PKD1L1: variants seen among roughly 807,000 people sequenced by gnomAD.
PKD1L1 encodes polycystin 1 like 1, transient receptor potential channel interacting.
A neutral mutation model predicts 323.4 loss-of-function variants in PKD1L1; 236 were observed. The observed-to-expected ratio is 0.73, with a 90% CI of 0.66 to 0.81. The LOEUF is 0.81. PKD1L1 is among the 40% of genes least tolerant of loss of function. PKD1L1 has a pLI of 0.00. For synonymous variants in PKD1L1, 1,344 were observed against 1,335.0 expected (o/e 1.01, Z -0.15); for missense variants, 3,320 against 3,508.0 (o/e 0.95, Z 1.35).
At chr7:47,813,847 A>G in intron 48 of PKD1L1, 84 bp downstream of exon 48, 1 of 1,177,518 alleles carries the variant, frequency 8.5e-7, no homozygotes, top group East Asian at 2.4e-5. Flanking sequence ...AGTTCAAATG[A>G]TCTGCCAGGG....
rs566175101 is a variant in PKD1L1, at chr7:47,940,455, G to C, written c.161-138C>G. 4 of 759,946 alleles carry C rather than the reference G, an allele frequency of 5.3e-6. No homozygotes were observed. In the African/African-American group the frequency reaches 7.1e-5, roughly 13 times the overall value. 47.1% of individuals were successfully genotyped at this position (759,946 alleles called of 1,614,324 possible). A position where few individuals can be genotyped will look rare whatever the true frequency, so the allele number is the denominator to read the frequency against. On this transcript the variant is annotated intron_variant, in intron 2 of 56. Transcript: ENST00000289672. The stretch of plus-strand genomic sequence containing the variant: ...AACAACGGGCTGATCATGAAGATGC[G>C]TGTCCTTGGGCTGCCGTGTCCTGCT...
intron 4 of PKD1L1, 55 bp downstream of exon 4, chr7:47,936,791 C>T: frequency 7.5e-7 from 1 of 1,341,692 alleles, no homozygotes; most frequent in South Asian, 1.2e-5. Context: ...TTTGTAAGTT[C>T]CATGTCATTT....
intron 11 of PKD1L1, 118 bp downstream of exon 11, chr7:47,905,039 C>A: frequency 9.0e-7 from 1 of 1,111,284 alleles, no homozygotes; most frequent in East Asian, 2.4e-5. Context: ...ACCTAGTGGC[C>A]CATTATAATA....
At chr7:47,875,601 G>C (rs1303961304) in intron 23 of PKD1L1, among the ~76,000 whole-genome samples, 2 of 152,214 alleles carry the variant, frequency 1.3e-5, no homozygotes, top group African/African-American at 4.8e-5. Context: ...GACTGGTTTA[G>C]AAGTAACCAC....
In PKD1L1 at chr7:47,779,613, C is replaced by G. The variant is rs149104154; in HGVS notation, c.8527-4447G>C. On this transcript the variant is annotated intron_variant, in intron 56 of 56. Transcript: ENST00000289672. The stretch of plus-strand genomic sequence containing the variant: ...TCCCAAATAACTCAGATTTTTTTAG[C>G]GTCTGAGAATGGCTCCACCTTTACA... Among the ~76,000 whole-genome samples the G allele has an allele frequency of 1.6e-3, 240 of 152,212 alleles. 1 individual carries two copies. Among genetic ancestry groups the G allele is most frequent in the African/African-American group, 5.4e-3 (224 of 41,510 alleles).
At chr7:47,823,333 A>G (rs1785183488) in intron 45 of PKD1L1, among the ~76,000 whole-genome samples, 1 of 152,104 alleles carries the variant, frequency 6.6e-6, no homozygotes. Flanking sequence ...TATTGAGACG[A>G]GCATGTGGTT....
intron 23 of PKD1L1, among the ~76,000 whole-genome samples, chr7:47,875,141 C>T (rs17711066): frequency 0.1 from 15,408 of 152,206 alleles, 815 homozygotes; most frequent in South Asian, 0.18. Flanking sequence ...CAAGATCAAA[C>T]GGAGTACAAA....
rs62447062 is a variant in PKD1L1, at chr7:47,873,861, T to C, written c.3896+38A>G. The C allele has an allele frequency of 0.29, 434,695 of 1,490,502 alleles. 68,451 individuals carry two copies. Among genetic ancestry groups the C allele is most frequent in the African/African-American group, 0.58 (41,419 of 72,010 alleles). The allele number at this position is 1,490,502 out of a possible 1,614,324, so 92.3% of individuals were successfully genotyped here. ...GAGCCAACTCTGGAAGAAATACAAA[T>C]AATGGCTAGGATGTCTGTGTGGCAT... On this transcript the variant is annotated intron_variant, in intron 24 of 56. Transcript: ENST00000289672.
At position 47,800,709 on chromosome 7, in the gene PKD1L1, C is replaced by A. The variant is rs200334191; in HGVS notation, c.8133G>T (p.Arg2711=). The A allele has an allele frequency of 5.6e-5, 91 of 1,614,088 alleles. No homozygotes were observed. In the Middle Eastern group the frequency reaches 6.6e-4, roughly 12 times the overall value. ...CLLGLSKSDQ[R]AMACYFGILL... Reference sequence around the variant, plus strand: ...GGATCCCAAAGTAACAAGCCATGGCCCGCTGGTCAGACTTGGAAAGGCCAA... The same window carrying A: ...GGATCCCAAAGTAACAAGCCATGGCACGCTGGTCAGACTTGGAAAGGCCAA... The change falls in exon 54 of 57, where the codon CGG becomes CGT. Residue 2711 remains arginine, a synonymous_variant. Transcript: ENST00000289672.
chr7:47,815,779 C>G (rs1562943646), intron 46 of PKD1L1, among the ~76,000 whole-genome samples: 1 of 152,106 alleles, frequency 6.6e-6, no homozygotes, highest in Non-Finnish European at 1.5e-5. Flanking sequence ...CAATTCTCTG[C>G]CCTCCTATGG....
intron 32 of PKD1L1, among the ~76,000 whole-genome samples, chr7:47,845,588 T>A (rs551664133): frequency 6.6e-6 from 1 of 152,340 alleles, no homozygotes; most frequent in Non-Finnish European, 1.5e-5. Flanking sequence ...TTATTTTAAA[T>A]TTTTTGTTTG....
intron 21 of PKD1L1, among the ~76,000 whole-genome samples, chr7:47,880,272 A>ATTTT (rs1562970478): frequency 1.5e-5 from 1 of 68,684 alleles, no homozygotes; most frequent in Admixed American, 1.4e-4. Flanking sequence ...ATACATATAT[A>ATTTT]TATATATATA....
chr7:47,837,812 A>C (rs1053352012), intron 36 of PKD1L1, among the ~76,000 whole-genome samples: 10 of 152,362 alleles, frequency 6.6e-5, no homozygotes, highest in African/African-American at 2.4e-4. Context: ...TGTTCTAGAA[A>C]AAACAAAAGT....
chr7:47,828,779 C>T (rs774268632), intron 44 of PKD1L1, among the ~76,000 whole-genome samples: 1 of 152,196 alleles, frequency 6.6e-6, no homozygotes, highest in Admixed American at 6.5e-5. Context: ...GGATCCTTTG[C>T]GAGGAGGAGG....
At chr7:47,847,214 G>T in intron 31 of PKD1L1, 143 bp from the exon 32 acceptor site, 1 of 572,512 alleles carries the variant, frequency 1.7e-6, no homozygotes, top group Non-Finnish European at 2.8e-6. Context: ...TCAAATTCTA[G>T]CCATTTCCTG....
At chr7:47,932,270 G>A (rs573734805) in intron 4 of PKD1L1, among the ~76,000 whole-genome samples, 9 of 152,292 alleles carry the variant, frequency 5.9e-5, no homozygotes, top group African/African-American at 1.9e-4. Context: ...GCAGGCACTC[G>A]AGGGAGAAGT....
chr7:47,812,438 T>C (rs1784920760), intron 49 of PKD1L1, among the ~76,000 whole-genome samples: 1 of 152,208 alleles, frequency 6.6e-6, no homozygotes, highest in Admixed American at 6.5e-5. Flanking sequence ...ACAAACAAGC[T>C]GGGAGAAGGC....
intron 7 of PKD1L1, among the ~76,000 whole-genome samples, chr7:47,917,118 G>C (rs535966186): frequency 6.6e-6 from 1 of 152,162 alleles, no homozygotes; most frequent in Admixed American, 6.5e-5. Context: ...GAAACAGATA[G>C]CATAAATAAA....
intron 56 of PKD1L1, 106 bp from the exon 57 acceptor site, chr7:47,775,272 C>A: frequency 7.9e-7 from 1 of 1,261,254 alleles, no homozygotes; most frequent in South Asian, 1.4e-5. Flanking sequence ...CTGAACACCA[C>A]CATCAGCTAA....
Sources: gnomAD v4.1 joint callset for allele counts (sites outside exome capture counted in the v4.1 genomes callset) on GRCh38, gnomAD v4.1.1 for gene constraint, MANE v1.5 for transcripts, NCBI Gene and HGNC (gene_info 2026-07-23, HGNC 2026-07-21) for gene names.